ERG: variants seen among roughly 807,000 people sequenced by gnomAD.
The protein encoded by ERG is ETS transcription factor ERG.
In ERG, 9 loss-of-function variants were observed where a neutral mutation model predicts 55.3. The ratio of observed to expected loss-of-function variants is 0.16; its 90% CI spans 0.10 to 0.28. The LOEUF (loss-of-function observed/expected upper bound fraction) is 0.28. ERG is among the 10% of genes least tolerant of loss of function. The pLI, the probability that ERG is intolerant of heterozygous loss-of-function variation, is 1.00. For missense variants in ERG, 434 were observed against 631.6 expected, an observed-to-expected ratio of 0.69 and a Z score of 3.35; for synonymous variants, 223 against 237.3, an observed-to-expected ratio of 0.94 and a Z score of 0.55.
intron 1 of ERG, among the ~76,000 whole-genome samples, chr21:38,583,536 G>A (rs1278506324): frequency 2.6e-5 from 4 of 152,178 alleles, no homozygotes; most frequent in Non-Finnish European, 5.9e-5. Context: ...AGTAGGAAAT[G>A]GCTCATCTTT....
At chr21:38,578,104 AG>A (rs149538045) in intron 1 of ERG, among the ~76,000 whole-genome samples, 14,269 of 152,244 alleles carry the variant, frequency 0.094, 821 homozygotes, top group African/African-American at 0.12. Flanking sequence ...CAGGCCCGGG[AG>A]GGAGTTGTCC....
intron 5 of ERG, 91 bp downstream of exon 5, chr21:38,402,465 TG>T: frequency 3.4e-6 from 3 of 879,010 alleles, no homozygotes; most frequent in Non-Finnish European, 5.5e-6. Flanking sequence ...TCTGTCTTCC[TG>T]GCACGCGCTG....
intron 2 of ERG, among the ~76,000 whole-genome samples, chr21:38,528,650 T>A (rs1189427413): frequency 4.1e-5 from 2 of 48,588 alleles, no homozygotes; most frequent in Non-Finnish European, 1.2e-4. Context: ...GGGTTTCACC[T>A]TGTTAGCCAG....
chr21:38,378,991 A>T (rs1439382767), downstream of ERG, among the ~76,000 whole-genome samples: 2 of 152,210 alleles, frequency 1.3e-5, no homozygotes, highest in Non-Finnish European at 2.9e-5. Context: ...CACCTGACCT[A>T]GTCATGGCTC....
In ERG at chr21:38,382,300, A is replaced by T. The variant is rs1987479174; in HGVS notation, c.*1103T>A. 9.5e-7 allele frequency: 1 copy of T among 1,054,992 alleles called. No individual in the cohort carries two copies. Among genetic ancestry groups the T allele is most frequent in the Non-Finnish European group, 1.1e-6 (1 of 872,648 alleles). 65.4% of individuals were successfully genotyped at this position (1,054,992 alleles called of 1,614,324 possible). On this transcript the variant is annotated 3_prime_UTR_variant, in exon 10 of 10. Coordinates refer to ENST00000288319, the MANE Select transcript of ERG (RefSeq NM_182918.4). Reference sequence around the variant, plus strand: ...GCACAGCGTTCGCGACTCAAAGGAAAACTGGAGGCCGCCTACCCAAAATGC... The same window carrying T: ...GCACAGCGTTCGCGACTCAAAGGAATACTGGAGGCCGCCTACCCAAAATGC...
intron 1 of ERG, among the ~76,000 whole-genome samples, chr21:38,609,897 T>C (rs1286510437): frequency 6.6e-6 from 1 of 152,244 alleles, no homozygotes; most frequent in Non-Finnish European, 1.5e-5. Context: ...AGCATTAGCG[T>C]GTGTTGAATT....
chr21:38,620,450 A>G (rs138063908), intron 1 of ERG, among the ~76,000 whole-genome samples: 26 of 152,362 alleles, frequency 1.7e-4, no homozygotes, highest in African/African-American at 5.3e-4. Flanking sequence ...TCTGCTTAGG[A>G]AGGAGCAATA....
At chr21:38,637,499 A>G (rs925368535) in intron 1 of ERG, among the ~76,000 whole-genome samples, 15 of 152,206 alleles carry the variant, frequency 9.9e-5, no homozygotes, top group African/African-American at 3.6e-4. Context: ...GTTACCTAAC[A>G]TTTCTGAGCT....
intron 1 of ERG, among the ~76,000 whole-genome samples, chr21:38,631,070 T>G (rs1309997240): frequency 2.0e-5 from 3 of 152,226 alleles, no homozygotes; most frequent in African/African-American, 7.2e-5. Context: ...CATTCAGCCT[T>G]GGCAGAAACC....
chr21:38,448,545 G>A (rs1442361977), intron 1 of ERG, among the ~76,000 whole-genome samples: 3 of 152,124 alleles, frequency 2.0e-5, no homozygotes, highest in African/African-American at 7.2e-5. Flanking sequence ...CTAGGATGAA[G>A]TACAGCTCAG....
chr21:38,432,866 T>C (rs940645295), intron 2 of ERG, among the ~76,000 whole-genome samples: 1 of 152,000 alleles, frequency 6.6e-6, no homozygotes, highest in Non-Finnish European at 1.5e-5. Context: ...GTGTGAGGAG[T>C]CTTTCATAGA....
intron 1 of ERG, among the ~76,000 whole-genome samples, chr21:38,621,185 C>T (rs1205475104): frequency 2.0e-5 from 3 of 152,168 alleles, no homozygotes; most frequent in Non-Finnish European, 4.4e-5. Context: ...CAACAGACTA[C>T]CCCCTTCTGT....
chr21:38,573,433 C>G (rs1027649738), intron 2 of ERG, among the ~76,000 whole-genome samples: 9 of 152,156 alleles, frequency 5.9e-5, no homozygotes, highest in Non-Finnish European at 1.2e-4. Flanking sequence ...TACATTTGTT[C>G]AATTCTGAGA....
intron 2 of ERG, among the ~76,000 whole-genome samples, chr21:38,552,293 A>G (rs1401868401): frequency 6.6e-6 from 1 of 152,174 alleles, no homozygotes; most frequent in Non-Finnish European, 1.5e-5. Context: ...AAACTATTAC[A>G]AAAGATTTAG....
intron 1 of ERG, among the ~76,000 whole-genome samples, chr21:38,591,305 G>A (rs1206326254): frequency 6.6e-6 from 1 of 152,200 alleles, no homozygotes; most frequent in African/African-American, 2.4e-5. Flanking sequence ...GTAGGAGCCT[G>A]ACAGCATTAA....
At chr21:38,634,908 T>C (rs957027918) in intron 1 of ERG, among the ~76,000 whole-genome samples, 1 of 152,180 alleles carries the variant, frequency 6.6e-6, no homozygotes, top group Non-Finnish European at 1.5e-5. Flanking sequence ...CCAAGGTTCC[T>C]TATATAGGTG....
chr21:38,398,064 C>T lies in ERG; in HGVS notation c.745+2510G>A, dbSNP rs117741977. On this transcript the variant is annotated intron_variant, in intron 6 of 9. Transcript: ENST00000288319. ...TTGGGTCTGTATCCCCAAGGACCTTCAAAGAAACAGTCAACAATCACCTTT... is the reference window on the plus strand; with the variant it reads ...TTGGGTCTGTATCCCCAAGGACCTTTAAAGAAACAGTCAACAATCACCTTT... Among the ~76,000 whole-genome samples, 67 of 152,248 alleles carry T rather than the reference C, an allele frequency of 4.4e-4. 2 individuals are homozygous for T. In the East Asian group the frequency reaches 0.013, roughly 29 times the overall value.
Position 38,383,588 on chromosome 21 carries a change from C to T in ERG, c.1255G>A (p.Gly419Ser). The T allele has an allele frequency of 6.2e-7, 1 of 1,609,300 alleles. No individual in the cohort carries two copies. Among genetic ancestry groups the T allele is most frequent in the Non-Finnish European group, 8.5e-7 (1 of 1,176,326 alleles). Residue 419 changes from glycine (G) to serine (S), a missense_variant, in exon 10 of 10, where the codon GGC (glycine) becomes AGC (serine). Coordinates refer to ENST00000288319, the MANE Select transcript of ERG (RefSeq NM_182918.4). The surrounding 1 kb of genome is among the most constrained non-coding windows in gnomAD (Gnocchi z 5.7). Reference sequence around the variant, plus strand: ...TTCTGTGGGTGGGCGTGATAGGAGCCCATGTACGGGAGGTCTGAGGGGTAC... The same window carrying T: ...TTCTGTGGGTGGGCGTGATAGGAGCTCATGTACGGGAGGTCTGAGGGGTAC... ...YKYPSDLPYMGSYHAHPQKMN... is the reference protein window; with the variant it reads ...YKYPSDLPYMSSYHAHPQKMN...
intron 1 of ERG, among the ~76,000 whole-genome samples, chr21:38,583,886 G>A (rs914739052): frequency 6.6e-6 from 1 of 152,192 alleles, no homozygotes; most frequent in African/African-American, 2.4e-5. Context: ...TCCAGCCTCC[G>A]GAACGGTGAG....
Sources: allele counts gnomAD v4.1 joint callset (sites outside exome capture counted in the v4.1 genomes callset), GRCh38; gene constraint gnomAD v4.1.1; non-coding constraint Gnocchi (gnomAD v3.1); transcripts MANE v1.5; gene names NCBI Gene and HGNC (gene_info 2026-07-23, HGNC 2026-07-21).